SPTA1: variants seen among roughly 807,000 people sequenced by gnomAD.
SPTA1 encodes spectrin alpha chain, erythrocytic 1.
SPTA1 carries 177 observed loss-of-function variants against 324.7 expected under a neutral mutation model. That is an observed-to-expected ratio of 0.55 (90% CI 0.48 to 0.62). The LOEUF is 0.62. SPTA1 is among the 20% of genes least tolerant of loss of function. The pLI is 0.00. For missense variants in SPTA1, 3,162 were observed against 2,883.6 expected (o/e 1.10, Z -2.21); for synonymous variants, 1,195 against 1,041.3 (o/e 1.15, Z -2.84).
chr1:158,657,367 C>T, intron 19 of SPTA1, 110 bp downstream of exon 19: 4 of 1,194,462 alleles, frequency 3.3e-6, no homozygotes, highest in East Asian at 4.7e-5. Flanking sequence ...CTGGAAACCC[C>T]AAATAATCTG....
chr1:158,686,524 T>C lies in SPTA1; in HGVS notation c.-7A>G. 6.3e-7 allele frequency: 1 copy of C among 1,594,082 alleles called. No individual in the cohort carries two copies. The highest frequency in any genetic ancestry group is 8.6e-7 in the Non-Finnish European group (1 of 1,163,304). The stretch of plus-strand genomic sequence containing the variant: ...CCTTTGGAAATTGCTCCATTTTTCC[T>C]AAAGGTTTAGAACCTGGCAAGATAA... On this transcript the variant is annotated 5_prime_UTR_variant, in exon 1 of 52. Transcript: ENST00000643759.
chr1:158,671,952 A>G lies in SPTA1; in HGVS notation c.1488+107T>C. ...TGGATCACCCTTTAGTTCCCAAGAC[A>G]AGCTCTGACTCACAGGAGTGGTTGT... is the stretch of plus-strand genomic sequence containing the variant. On this transcript the variant is annotated intron_variant, in intron 11 of 51. Coordinates refer to ENST00000643759, the MANE Select transcript of SPTA1 (RefSeq NM_003126.4). 5.6e-6 allele frequency: 8 copies of G among 1,428,034 alleles called. No individual in the cohort carries two copies. In the Admixed American group the frequency reaches 1.0e-4, roughly 18 times the overall value. The allele number at this position is 1,428,034 out of a possible 1,614,324, so 88.5% of individuals were successfully genotyped here. A position where few individuals can be genotyped will look rare whatever the true frequency, so the allele number is the denominator to read the frequency against.
chr1:158,615,386 G>A lies in SPTA1; in HGVS notation c.6618C>T (p.Ile2206=), dbSNP rs1394691632. ...TGGTTAGTTGACGCTTCATCGCCTG[G>A]ATCTCCTTCTGTTTTCTCTGGAAAA... is the stretch of plus-strand genomic sequence containing the variant. ...LEANKRKQKE[I]QAMKRQLTKI... Residue 2206 remains isoleucine, a synonymous_variant, in exon 48 of 52, where the codon ATC becomes ATT. Transcript: ENST00000643759. The A allele has an allele frequency of 6.2e-7, 1 of 1,614,032 alleles. No individual in the cohort carries two copies. The highest frequency in any genetic ancestry group is 8.5e-7 in the Non-Finnish European group (1 of 1,179,994).
intron 41 of SPTA1, 116 bp downstream of exon 41, chr1:158,626,723 G>A (rs796444989): frequency 2.3e-6 from 3 of 1,281,726 alleles, no homozygotes; most frequent in Non-Finnish European, 2.3e-6. Flanking sequence ...ATAGGAATGG[G>A]TAGTGATGGA....
Position 158,667,970 on chromosome 1 carries a change from T to G in SPTA1, c.1926A>C (p.Lys642Asn). 6.2e-7 allele frequency: 1 copy of G among 1,613,932 alleles called. No individual in the cohort carries two copies. Among genetic ancestry groups the G allele is most frequent in the Non-Finnish European group, 8.5e-7 (1 of 1,179,982 alleles). Residue 642 changes from lysine to asparagine, a missense_variant, in exon 15 of 52, where the codon AAA becomes AAC. Coordinates refer to ENST00000643759, the MANE Select transcript of SPTA1 (RefSeq NM_003126.4). ...CACCCTCAATCATCTCTTGGCCAGT[T>G]TTCTGTATGTTTTCCAGCTGGGTCT... ...VNKTQLENIQ[K>N]TGQEMIEGGH... is the part of the protein sequence containing the mutation.
intron 42 of SPTA1, among the ~76,000 whole-genome samples, chr1:158,624,905 A>G (rs1650170053): frequency 1.3e-5 from 2 of 152,244 alleles, no homozygotes; most frequent in South Asian, 4.1e-4. Flanking sequence ...AAATGCCTGA[A>G]AGGCCACAGA....
rs3039789 is a variant in SPTA1 at position 158,668,075 on chromosome 1, G to GAAAAAA, written c.1834-19_1834-14dup. 1 of 1,312,520 alleles carries GAAAAAA rather than the reference G, an allele frequency of 7.6e-7. No individual in the cohort carries two copies. The highest frequency in any genetic ancestry group is 1.5e-5 in the African/African-American group (1 of 65,534). 81.3% of individuals were successfully genotyped at this position (1,312,520 alleles called of 1,614,324 possible). ...AGTTCTGTATGTCCTGAGATAAGAT[G>GAAAAAA]AAAAAAAAAAAAAAAACCATTACCT... On this transcript the variant is annotated splice_polypyrimidine_tract_variant and intron_variant, in intron 14 of 51. Coordinates refer to ENST00000643759, the MANE Select transcript of SPTA1 (RefSeq NM_003126.4).
At chr1:158,649,736 T>G in intron 25 of SPTA1, 120 bp downstream of exon 25, 1 of 813,052 alleles carries the variant, frequency 1.2e-6, no homozygotes, top group Non-Finnish European at 2.1e-6. Context: ...AATTTTCTAT[T>G]GGCACATTGT....
chr1:158,657,373 A>G, intron 19 of SPTA1, 104 bp downstream of exon 19: 4 of 1,224,552 alleles, frequency 3.3e-6, no homozygotes, highest in Non-Finnish European at 4.8e-6. Flanking sequence ...ACCCCAAATA[A>G]TCTGGCAGAA....
At chr1:158,666,523 C>CAT (rs1653616544) in intron 15 of SPTA1, 26 bp from the exon 16 acceptor site, 2 of 1,590,244 alleles carry the variant, frequency 1.3e-6, no homozygotes, top group Admixed American at 3.3e-5. Flanking sequence ...AGGTAGAAGA[C>CAT]ATTAGGTACC....
chr1:158,619,145 C>G (rs1339983446), intron 45 of SPTA1, 77 bp downstream of exon 45: 36 of 1,349,962 alleles, frequency 2.7e-5, no homozygotes, highest in Non-Finnish European at 2.1e-6. Flanking sequence ...TCTCCTCTTC[C>G]CTTCAAACAT....
At chr1:158,675,458 G>C (rs946986136) in intron 8 of SPTA1, among the ~76,000 whole-genome samples, 3 of 152,156 alleles carry the variant, frequency 2.0e-5, no homozygotes, top group Non-Finnish European at 4.4e-5. Flanking sequence ...TTGCAGATGA[G>C]TGGAGGTGTG....
intron 3 of SPTA1, 64 bp from the exon 4 acceptor site, chr1:158,681,731 C>T (rs553549429): frequency 1.2e-6 from 2 of 1,607,874 alleles, no homozygotes; most frequent in African/African-American, 2.7e-5. Context: ...CACTCAGAGA[C>T]TTGTGCAGAA....
At chr1:158,648,763 C>T (rs1463921025) in intron 25 of SPTA1, 110 bp from the exon 26 acceptor site, 1 of 1,084,648 alleles carries the variant, frequency 9.2e-7, no homozygotes, top group Non-Finnish European at 1.3e-6. Context: ...CTCCCACCCA[C>T]CCCCCCACCC....
intron 39 of SPTA1, among the ~76,000 whole-genome samples, chr1:158,629,101 C>T (rs1282333763): frequency 6.6e-6 from 1 of 151,792 alleles, no homozygotes; most frequent in Non-Finnish European, 1.5e-5. Flanking sequence ...ACACCAAAGC[C>T]AGGCGATAAT....
At chr1:158,636,920 A>G (rs1651128037) in intron 36 of SPTA1, among the ~76,000 whole-genome samples, 159 bp from the exon 37 acceptor site, 1 of 152,210 alleles carries the variant, frequency 6.6e-6, no homozygotes, top group Non-Finnish European at 1.5e-5. Flanking sequence ...AATTAGTGGA[A>G]GAGGCTTGCA....
intron 21 of SPTA1, among the ~76,000 whole-genome samples, chr1:158,653,751 G>C (rs1174978897): frequency 1.3e-5 from 2 of 152,296 alleles, no homozygotes; most frequent in Middle Eastern, 3.4e-3. Flanking sequence ...CCAGGCTCTA[G>C]CTGGATTTCT....
In SPTA1 at chr1:158,636,713, C is replaced by A. The variant is rs1426868165; in HGVS notation, c.5238G>T (p.Gln1746His). The A allele has an allele frequency of 2.3e-5, 37 of 1,614,172 alleles. No homozygotes were observed. The highest frequency in any genetic ancestry group is 3.1e-5 in the Non-Finnish European group (36 of 1,180,002). ...VSSQDYGRDL[Q>H]GVQNLLKKHK... Reference sequence around the variant, plus strand: ...GCTTCTTCAGCAAGTTCTGAACCCCCTGAAGATCTCTCCCATAGTCCTGGG... The same window carrying A: ...GCTTCTTCAGCAAGTTCTGAACCCCATGAAGATCTCTCCCATAGTCCTGGG... The change falls in exon 37 of 52, where the codon CAG (glutamine) becomes CAT (histidine). Residue 1746 changes from glutamine (Q) to histidine (H), a missense_variant. Coordinates refer to ENST00000643759, the MANE Select transcript of SPTA1 (RefSeq NM_003126.4).
rs1196097502 is a variant in SPTA1 at position 158,674,410 on chromosome 1, A to G, written c.1269T>C (p.Asp423=). ...TCTCATCAGCAGATTGAAATCGGTC[A>G]TCGTAAGAGTCAATCTCATGCTGTG... ...QQHKHEIDSY[D]DRFQSADETG... The change falls in exon 10 of 52, where the codon GAT becomes GAC. Residue 423 remains aspartate (D), a synonymous_variant. Transcript: ENST00000643759. The G allele has an allele frequency of 6.2e-7, 1 of 1,613,986 alleles. No homozygotes were observed. Among genetic ancestry groups the G allele is most frequent in the Non-Finnish European group, 8.5e-7 (1 of 1,179,972 alleles).
Sources: gnomAD v4.1 joint callset for allele counts (sites outside exome capture counted in the v4.1 genomes callset) on GRCh38, gnomAD v4.1.1 for gene constraint, MANE v1.5 for transcripts, NCBI Gene and HGNC (gene_info 2026-07-23, HGNC 2026-07-21) for gene names.